The following AGAP1 variants were observed in gnomAD, a reference collection of about 807,000 sequenced individuals.
The protein encoded by AGAP1 is ArfGAP with GTPase domain, ankyrin repeat and PH domain 1.
AGAP1 carries 29 observed loss-of-function variants against 105.3 expected under a neutral mutation model. The observed-to-expected ratio is 0.28, with a 90% CI of 0.21 to 0.38. The LOEUF (loss-of-function observed/expected upper bound fraction) is 0.38. AGAP1 is among the 10% of genes least tolerant of loss of function. The pLI is 1.00. For missense variants in AGAP1, 998 were observed against 1,165.1 expected (o/e 0.86, Z 2.09); for synonymous variants, 509 against 485.9 (o/e 1.05, Z -0.63).
chr2:235,587,925 C>A (rs1945179663), intron 1 of AGAP1, among the ~76,000 whole-genome samples: 1 of 151,924 alleles, frequency 6.6e-6, no homozygotes, highest in African/African-American at 2.4e-5. Context: ...AGTCATCTGG[C>A]AGCCTTAGAA....
intron 9 of AGAP1, among the ~76,000 whole-genome samples, chr2:235,832,395 T>G (rs760267104): frequency 6.6e-6 from 1 of 152,226 alleles, no homozygotes; most frequent in African/African-American, 2.4e-5. Context: ...GCATTTTCCT[T>G]ACAGTTTGAT....
At position 236,080,179 on chromosome 2, in the gene AGAP1, A is replaced by G. The variant is rs1211379670; in HGVS notation, c.2114+30898A>G. ...GCCCTGTGCTCTGGAGGGAGATGCT[A>G]TCTCCATCATCCAAGGCTGTTTCCT... On this transcript the variant is annotated intron_variant, in intron 16 of 17. Coordinates refer to ENST00000304032, the MANE Select transcript of AGAP1 (RefSeq NM_001037131.3). This position sits in a 1 kb window ranked among gnomAD's most constrained non-coding sequence, Gnocchi z 4.2. Among the ~76,000 whole-genome samples the G allele has an allele frequency of 1.3e-5, 2 of 152,184 alleles. No homozygotes were observed. The highest frequency in any genetic ancestry group is 1.5e-5 in the Non-Finnish European group (1 of 68,034).
At chr2:235,755,171 G>A (rs1440920722) in intron 6 of AGAP1, among the ~76,000 whole-genome samples, 1 of 152,186 alleles carries the variant, frequency 6.6e-6, no homozygotes, top group Non-Finnish European at 1.5e-5. Flanking sequence ...ACTGCACAGG[G>A]CTCTCGTTCC....
rs189320962 is a variant in AGAP1 at position 236,027,413 on chromosome 2, G to T, written c.1646-9148G>T. 5.3e-5 allele frequency among the ~76,000 whole-genome samples: 8 copies of T among 152,200 alleles called. No individual in the cohort carries two copies. The East Asian group carries it at 1.5e-3, about 29-fold the overall frequency. ...AGGTCCAGCTGCTCGGACCCTTGTC[G>T]TAAATTTCAGGGCCTGAAAATCCAA... On this transcript the variant is annotated intron_variant, in intron 13 of 17. Coordinates refer to ENST00000304032, the MANE Select transcript of AGAP1 (RefSeq NM_001037131.3). The surrounding 1 kb of genome is among the most constrained non-coding windows in gnomAD (Gnocchi z 4.4).
intron 9 of AGAP1, among the ~76,000 whole-genome samples, chr2:235,826,852 T>C (rs1213774916): frequency 3.3e-5 from 5 of 152,356 alleles, no homozygotes; most frequent in Admixed American, 6.5e-5. Context: ...CTCCACAGAA[T>C]GTTTCTAAAA....
intron 1 of AGAP1, among the ~76,000 whole-genome samples, 168 bp from the exon 2 acceptor site, chr2:235,709,011 G>A (rs1409776899): frequency 6.6e-6 from 1 of 152,244 alleles, no homozygotes; most frequent in Non-Finnish European, 1.5e-5. Context: ...ATCTAGCTGA[G>A]TGTCGTGAAC....
intron 10 of AGAP1, among the ~76,000 whole-genome samples, chr2:235,885,951 G>A (rs1575695811): frequency 6.6e-6 from 1 of 152,284 alleles, no homozygotes; most frequent in East Asian, 1.9e-4. Context: ...TGGTTCTCCA[G>A]GGGGCCTTCA....
In AGAP1 at chr2:236,089,157, G is replaced by A. The variant is rs1435421354; in HGVS notation, c.2115-31035G>A. On this transcript the variant is annotated intron_variant, in intron 16 of 17. Coordinates refer to ENST00000304032, the MANE Select transcript of AGAP1 (RefSeq NM_001037131.3). This position sits in a 1 kb window ranked among gnomAD's most constrained non-coding sequence, Gnocchi z 5.6. ...CGCTCACGTGGGTGGCAGCGTCCAAGTCCAGTTTGTACATTTCTGCATGGA... is the reference window on the plus strand; with the variant it reads ...CGCTCACGTGGGTGGCAGCGTCCAAATCCAGTTTGTACATTTCTGCATGGA... Among the ~76,000 whole-genome samples the A allele has an allele frequency of 1.3e-5, 2 of 152,200 alleles. No individual in the cohort carries two copies. The highest frequency in any genetic ancestry group is 4.8e-5 in the African/African-American group (2 of 41,452).
chr2:236,057,763 G>A (rs368127513), intron 16 of AGAP1, among the ~76,000 whole-genome samples: 24 of 152,298 alleles, frequency 1.6e-4, no homozygotes, highest in African/African-American at 5.8e-4. Context: ...TTTAAAAACA[G>A]GGTAATTCCT....
chr2:236,112,859 G>A (rs1261003738), intron 16 of AGAP1, among the ~76,000 whole-genome samples: 1 of 152,252 alleles, frequency 6.6e-6, no homozygotes, highest in East Asian at 1.9e-4. Flanking sequence ...CTGTCCTGAA[G>A]GCGGGGGCCA....
chr2:235,769,456 GT>G lies in AGAP1; in HGVS notation c.673+18972del, dbSNP rs1202998992. Among the ~76,000 whole-genome samples the G allele has an allele frequency of 6.6e-6, 1 of 152,214 alleles. No homozygotes were observed. The highest frequency in any genetic ancestry group is 1.5e-5 in the Non-Finnish European group (1 of 68,048). ...CTAAATAATGTTTTAAGGAATTGGA[GT>G]TTTGCGAGGAGATGGTGACAAGCCT... is the stretch of plus-strand genomic sequence containing the variant. On this transcript the variant is annotated intron_variant, in intron 6 of 17. Coordinates refer to ENST00000304032, the MANE Select transcript of AGAP1 (RefSeq NM_001037131.3). The surrounding 1 kb of genome is among the most constrained non-coding windows in gnomAD (Gnocchi z 4.4).
intron 13 of AGAP1, among the ~76,000 whole-genome samples, chr2:236,022,689 C>G (rs1178549248): frequency 2.0e-5 from 3 of 152,188 alleles, no homozygotes; most frequent in African/African-American, 7.2e-5. Context: ...CACCCGCCAC[C>G]ACGCCCAACT....
At position 236,040,876 on chromosome 2, in the gene AGAP1, G is replaced by C. The variant is rs756814866; in HGVS notation, c.1891+35G>C. 4 of 1,610,542 alleles carry C rather than the reference G, an allele frequency of 2.5e-6. No homozygotes were observed. The highest frequency in any genetic ancestry group is 3.4e-6 in the Non-Finnish European group (4 of 1,177,198). On this transcript the variant is annotated intron_variant, in intron 15 of 17. Transcript: ENST00000304032. The surrounding 1 kb of genome is among the most constrained non-coding windows in gnomAD (Gnocchi z 5.6). The stretch of plus-strand genomic sequence containing the variant: ...TGCGGTGGTAGCAGGGGCTGGCGCT[G>C]TGTAGCTGGAGACCACATGGTCCCA...
chr2:236,041,043 C>T (rs1201026893), intron 15 of AGAP1, among the ~76,000 whole-genome samples: 1 of 152,158 alleles, frequency 6.6e-6, no homozygotes, highest in Non-Finnish European at 1.5e-5. Flanking sequence ...CTGCAGGGTG[C>T]GTTTCTGTGA....
rs562600783 is a variant in AGAP1, at chr2:235,677,109, T to C, written c.164-32070T>C. Among the ~76,000 whole-genome samples, 5 of 152,376 alleles carry C rather than the reference T, an allele frequency of 3.3e-5. No homozygotes were observed. The East Asian group carries it at 7.7e-4, about 24-fold the overall frequency. On this transcript the variant is annotated intron_variant, in intron 1 of 17. Coordinates refer to ENST00000304032, the MANE Select transcript of AGAP1 (RefSeq NM_001037131.3). The stretch of plus-strand genomic sequence containing the variant: ...CGTTGATACTTGCATTCACGTTTGC[T>C]AGTTCTCTCTTCTCCTGTGAAGACA...
rs555698408 is a variant in AGAP1 at position 235,761,876 on chromosome 2, G to A, written c.673+11388G>A. On this transcript the variant is annotated intron_variant, in intron 6 of 17. Coordinates refer to ENST00000304032, the MANE Select transcript of AGAP1 (RefSeq NM_001037131.3). The stretch of plus-strand genomic sequence containing the variant: ...TGTAATCCCAGCACTTTGGGAGGCC[G>A]AGGTGGGTGGATCACCTGAGGTCGG... Among the ~76,000 whole-genome samples the A allele has an allele frequency of 6.8e-4, 104 of 152,136 alleles. 1 individual carries two copies. The highest frequency in any genetic ancestry group is 2.5e-3 in the African/African-American group (102 of 41,488).
rs1259852235 is a variant in AGAP1, at chr2:236,056,589, CTA to C, written c.2114+7310_2114+7311del. 6.6e-6 allele frequency among the ~76,000 whole-genome samples: 1 copy of C among 152,178 alleles called. No individual in the cohort carries two copies. Among genetic ancestry groups the C allele is most frequent in the African/African-American group, 2.4e-5 (1 of 41,436 alleles). On this transcript the variant is annotated intron_variant, in intron 16 of 17. Coordinates refer to ENST00000304032, the MANE Select transcript of AGAP1 (RefSeq NM_001037131.3). This position sits in a 1 kb window ranked among gnomAD's most constrained non-coding sequence, Gnocchi z 4.6. ...TAACATGGGCCAATAAATATGGCCT[CTA>C]TTTTGATTCCTCCAGCAGTCAAGCA... is the stretch of plus-strand genomic sequence containing the variant.
chr2:235,766,238 GCTAA>G (rs1954942010), intron 6 of AGAP1, among the ~76,000 whole-genome samples: 1 of 152,194 alleles, frequency 6.6e-6, no homozygotes, highest in Non-Finnish European at 1.5e-5. Context: ...ATTTTTATAA[GCTAA>G]CTAATAAAAA....
chr2:235,614,449 G>C lies in AGAP1; in HGVS notation c.164-94730G>C, dbSNP rs566174606. On this transcript the variant is annotated intron_variant, in intron 1 of 17. Transcript: ENST00000304032. This position sits in a 1 kb window ranked among gnomAD's most constrained non-coding sequence, Gnocchi z 4.7. ...CCTGTGATGGGCTGGATGTATTTGG[G>C]GAGGGAAGAAGGCAGTTGTAGCTCA... 6.6e-6 allele frequency among the ~76,000 whole-genome samples: 1 copy of C among 152,154 alleles called. No homozygotes were observed. Among genetic ancestry groups the C allele is most frequent in the African/African-American group, 2.4e-5 (1 of 41,452 alleles).
Sources: allele counts gnomAD v4.1 joint callset (sites outside exome capture counted in the v4.1 genomes callset), GRCh38; gene constraint gnomAD v4.1.1; non-coding constraint Gnocchi (gnomAD v3.1); transcripts MANE v1.5; gene names NCBI Gene and HGNC (gene_info 2026-07-23, HGNC 2026-07-21).